The following RIN2 variants were observed in gnomAD, a reference collection of about 807,000 sequenced individuals.
RIN2 encodes RAB5 interacting protein 2.
A neutral mutation model predicts 78.0 loss-of-function variants in RIN2; 36 were observed. The ratio of observed to expected loss-of-function variants is 0.46; its 90% CI spans 0.35 to 0.61. RIN2 has a LOEUF of 0.61. RIN2 is among the 20% of genes least tolerant of loss of function. The probability of loss-of-function intolerance (pLI) is 0.00; values close to 1 mark genes in which losing one functional copy is unlikely to be tolerated. For synonymous variants in RIN2, 466 were observed against 466.8 expected, an observed-to-expected ratio of 1.00 and a Z score of 0.02; for missense variants, 1,087 against 1,159.7, an observed-to-expected ratio of 0.94 and a Z score of 0.91.
chr20:19,992,047 T>C, intron 10 of RIN2, 121 bp from the exon 11 acceptor site: 1 of 1,187,458 alleles, frequency 8.4e-7, no homozygotes, highest in Non-Finnish European at 1.2e-6. Context: ...CTCACCTCTG[T>C]TTATAAATAG....
At chr20:19,948,149 ATG>A (rs1311320835) in intron 4 of RIN2, among the ~76,000 whole-genome samples, 1 of 152,196 alleles carries the variant, frequency 6.6e-6, no homozygotes, top group Non-Finnish European at 1.5e-5. Context: ...TCCAAGGCAG[ATG>A]TGATACTGAC....
At chr20:19,912,294 G>C (rs980365909) in intron 3 of RIN2, among the ~76,000 whole-genome samples, 1 of 151,980 alleles carries the variant, frequency 6.6e-6, no homozygotes, top group South Asian at 2.1e-4. Context: ...GGGTTCAACT[G>C]TGCTCTCACC....
chr20:19,791,908 T>C (rs1232104528), intron 1 of RIN2, among the ~76,000 whole-genome samples: 2 of 152,184 alleles, frequency 1.3e-5, no homozygotes, highest in East Asian at 3.8e-4. Context: ...AAAATGTTCA[T>C]GTTTTAGAAT....
Position 19,975,112 on chromosome 20 carries a change from A to C in RIN2, c.1087A>C (p.Lys363Gln). Residue 363 changes from lysine to glutamine, a missense_variant, in exon 9 of 13, where the codon AAG becomes CAG. By Grantham distance (53) the Lys-to-Gln change is moderately conservative. This residue lies in a region of RIN2 where 706 missense variants were observed against 667.5 expected (regional missense o/e 1.06). Transcript: ENST00000255006. This position sits in a 1 kb window ranked among gnomAD's most constrained non-coding sequence, Gnocchi z 4.9. ...PTPIPPPRLK[K>Q]QASFLEAEGG... ...TCCCATCCCTCCACCCCGGCTGAAG[A>C]AGCAGGCTTCTTTTCTGGAAGCAGA... is the stretch of plus-strand genomic sequence containing the variant. 6.2e-7 allele frequency: 1 copy of C among 1,613,430 alleles called. No individual in the cohort carries two copies. The highest frequency in any genetic ancestry group is 1.1e-5 in the South Asian group (1 of 91,090).
At chr20:19,897,382 T>C (rs748381600) in intron 3 of RIN2, among the ~76,000 whole-genome samples, 2 of 152,190 alleles carry the variant, frequency 1.3e-5, no homozygotes, top group Non-Finnish European at 2.9e-5. Context: ...GTTCTGGGAT[T>C]ACAGGTGAGT....
chr20:19,764,943 T>G (rs1049206599), intron 1 of RIN2, among the ~76,000 whole-genome samples: 4 of 132,606 alleles, frequency 3.0e-5, no homozygotes, highest in African/African-American at 1.1e-4. Flanking sequence ...TTTTTTTTTT[T>G]GACAGAGTCT....
At chr20:19,759,044 C>G (rs1210469342) in intron 1 of RIN2, among the ~76,000 whole-genome samples, 1 of 152,260 alleles carries the variant, frequency 6.6e-6, no homozygotes, top group South Asian at 2.1e-4. Flanking sequence ...TCCCCGCCCC[C>G]TTCTGGGCTT....
intron 2 of RIN2, among the ~76,000 whole-genome samples, chr20:19,871,112 G>A (rs138769203): frequency 6.6e-6 from 1 of 152,194 alleles, no homozygotes; most frequent in East Asian, 1.9e-4. Context: ...GGAGAAGCAG[G>A]CAAGGGATTA....
At position 19,970,919 on chromosome 20, in the gene RIN2, G is replaced by C; in HGVS notation, c.618G>C (p.Gln206His). ...AGGCTCAGCTTGAAGAACTGGCCCA[G>C]ATGGGACTAAGTAAGTGTGTGCCCC... ...KSEAQLEELA[Q>H]MGLNFWSSPA... Residue 206 changes from glutamine (Q) to histidine (H), a missense_variant, in exon 8 of 13, where the codon CAG becomes CAC. By Grantham distance (24) the Gln-to-His change is conservative. Transcript: ENST00000255006. The C allele has an allele frequency of 6.2e-7, 1 of 1,612,214 alleles. No individual in the cohort carries two copies. Among genetic ancestry groups the C allele is most frequent in the Non-Finnish European group, 8.5e-7 (1 of 1,179,084 alleles).
chr20:19,989,866 C>A, intron 9 of RIN2, 140 bp from the exon 10 acceptor site: 1 of 777,342 alleles, frequency 1.3e-6, no homozygotes, highest in Non-Finnish European at 2.0e-6. Flanking sequence ...TTGGTGTTGT[C>A]TGTTGGTTGG....
intron 2 of RIN2, among the ~76,000 whole-genome samples, chr20:19,849,705 C>T (rs561501157): frequency 4.7e-4 from 71 of 152,008 alleles, no homozygotes; most frequent in Non-Finnish European, 8.1e-4. Context: ...GTGCTTGAAC[C>T]GGACTTTCAG....
Position 19,974,684 on chromosome 20 carries a change from C to A in RIN2, c.659C>A (p.Pro220His), listed in dbSNP as rs769083036. 2 of 1,613,644 alleles carry A rather than the reference C, an allele frequency of 1.2e-6. No individual in the cohort carries two copies. The highest frequency in any genetic ancestry group is 1.7e-6 in the Non-Finnish European group (2 of 1,179,652). The change falls in exon 9 of 13, where the codon CCC becomes CAC. Residue 220 changes from proline (P) to histidine (H), a missense_variant. Transcript: ENST00000255006. ...NFWSSPADSK[P>H]PNLPPPHRPL... Reference sequence around the variant, plus strand: ...TGGAGCTCCCCAGCTGACAGCAAACCCCCGAACCTTCCACCTCCCCATAGG... The same window carrying A: ...TGGAGCTCCCCAGCTGACAGCAAACACCCGAACCTTCCACCTCCCCATAGG...
intron 6 of RIN2, among the ~76,000 whole-genome samples, chr20:19,962,781 A>AC (rs1273692189): frequency 1.3e-5 from 2 of 152,162 alleles, no homozygotes; most frequent in East Asian, 1.9e-4. Context: ...ACATGGTGAA[A>AC]CCCCGTCTCT....
At chr20:19,913,605 C>T (rs1442487707) in intron 3 of RIN2, among the ~76,000 whole-genome samples, 2 of 152,208 alleles carry the variant, frequency 1.3e-5, no homozygotes, top group East Asian at 3.8e-4. Context: ...TCCTCAACCC[C>T]TGGTAACTAC....
At chr20:19,843,550 A>T (rs2036645187) in intron 2 of RIN2, among the ~76,000 whole-genome samples, 1 of 152,228 alleles carries the variant, frequency 6.6e-6, no homozygotes, top group Admixed American at 6.5e-5. Flanking sequence ...TTACATACAC[A>T]AATTGTTATT....
intron 2 of RIN2, among the ~76,000 whole-genome samples, chr20:19,870,744 A>T (rs2037666585): frequency 1.3e-5 from 2 of 152,222 alleles, no homozygotes. Flanking sequence ...CTATGATGGG[A>T]TGTCCCTCAG....
At chr20:19,955,158 T>C (rs1287248120) in intron 4 of RIN2, among the ~76,000 whole-genome samples, 3 of 152,132 alleles carry the variant, frequency 2.0e-5, no homozygotes, top group Admixed American at 6.6e-5. Context: ...ACTTTGTGTC[T>C]CTGTAGATTT....
chr20:19,842,080 A>C (rs1460236349), intron 2 of RIN2, among the ~76,000 whole-genome samples: 3 of 152,212 alleles, frequency 2.0e-5, no homozygotes, highest in Non-Finnish European at 2.9e-5. Context: ...CTTAAGTTGA[A>C]GCCAATATTC....
At chr20:19,876,034 G>T (rs946400186) in intron 2 of RIN2, among the ~76,000 whole-genome samples, 1 of 152,218 alleles carries the variant, frequency 6.6e-6, no homozygotes, top group Non-Finnish European at 1.5e-5. Context: ...AGAAGAGGGA[G>T]CGAGGACTTC....
Sources: gnomAD v4.1 joint callset for allele counts (sites outside exome capture counted in the v4.1 genomes callset) on GRCh38, gnomAD v4.1.1 for gene constraint, gnomAD v4.1.1 regional missense constraint, Gnocchi (gnomAD v3.1) non-coding constraint, MANE v1.5 for transcripts, NCBI Gene and HGNC (gene_info 2026-07-23, HGNC 2026-07-21) for gene names.